The following TBL1X variants were observed in gnomAD, a reference collection of about 807,000 sequenced individuals.
TBL1X encodes the protein transducin beta like 1 X-linked, also known as F-box-like/WD repeat-containing protein TBL1X.
In TBL1X, 10 loss-of-function variants were observed where a neutral mutation model predicts 50.7. That is an observed-to-expected ratio of 0.20 (90% CI 0.12 to 0.33). TBL1X has a LOEUF of 0.33. TBL1X is among the 10% of genes least tolerant of loss of function. TBL1X has a pLI of 1.00. For synonymous variants in TBL1X, 190 were observed against 214.7 expected (o/e 0.88, Z 1.01); for missense variants, 340 against 504.4 (o/e 0.67, Z 3.12).
chrX:9,666,398 G>A (rs1275818268), intron 5 of TBL1X, among the ~76,000 whole-genome samples: 2 of 111,151 alleles, frequency 1.8e-5, no homozygotes, highest in Non-Finnish European at 3.8e-5. Context: ...ACATGTTAAT[G>A]TTCCTATTAG....
intron 1 of TBL1X, among the ~76,000 whole-genome samples, chrX:9,481,826 G>A (rs1195513864): frequency 8.9e-6 from 1 of 112,421 alleles, no homozygotes; most frequent in African/African-American, 3.2e-5. Flanking sequence ...GAAGTCTAAT[G>A]TGAGATTTCT....
intron 1 of TBL1X, among the ~76,000 whole-genome samples, chrX:9,469,126 C>G (rs7878827): frequency 0.29 from 32,499 of 110,843 alleles, 3,844 homozygotes; most frequent in South Asian, 0.37. Context: ...AGTCGACCGA[C>G]ATAGAATTAT....
chrX:9,578,539 A>G, intron 2 of TBL1X, among the ~76,000 whole-genome samples: 2 of 111,798 alleles, frequency 1.8e-5, no homozygotes, highest in Middle Eastern at 9.2e-3. Flanking sequence ...GAGCACGAGG[A>G]GACGGGACAG....
At chrX:9,659,861 TC>T (rs1456394339) in intron 5 of TBL1X, among the ~76,000 whole-genome samples, 5 of 112,391 alleles carry the variant, frequency 4.4e-5, no homozygotes, top group Non-Finnish European at 9.4e-5. Flanking sequence ...GTGTGATTCT[TC>T]CTTTGAGGAT....
chrX:9,650,354 T>A (rs1201977245), intron 3 of TBL1X, among the ~76,000 whole-genome samples: 1 of 111,243 alleles, frequency 9.0e-6, no homozygotes, highest in African/African-American at 3.3e-5. Context: ...CTTTTTTTTT[T>A]CCCCCAGAGT....
intron 2 of TBL1X, among the ~76,000 whole-genome samples, chrX:9,595,913 C>G (rs2082524383): frequency 8.9e-6 from 1 of 111,980 alleles, no homozygotes; most frequent in Non-Finnish European, 1.9e-5. Context: ...GAGATATCTT[C>G]CAGAAGTCTT....
intron 5 of TBL1X, among the ~76,000 whole-genome samples, chrX:9,657,302 A>G (rs1471774412): frequency 2.7e-5 from 3 of 112,242 alleles, no homozygotes; most frequent in Non-Finnish European, 5.6e-5. Context: ...GTGACGGACA[A>G]GTTTTCCAGA....
At chrX:9,472,016 T>C (rs2081818197) in intron 1 of TBL1X, among the ~76,000 whole-genome samples, 1 of 110,978 alleles carries the variant, frequency 9.0e-6, no homozygotes, top group Non-Finnish European at 1.9e-5. Context: ...CGCTGAAACC[T>C]TCCTTCGGGT....
At chrX:9,656,920 C>T (rs1390597627) in intron 5 of TBL1X, among the ~76,000 whole-genome samples, 1 of 112,162 alleles carries the variant, frequency 8.9e-6, no homozygotes, top group Admixed American at 9.4e-5. Context: ...TCGCTGTCTC[C>T]CTTCTACCTT....
In TBL1X at chrX:9,594,785, T is replaced by C. The variant is rs185214787; in HGVS notation, c.-130-45488T>C. Reference sequence around the variant, plus strand: ...TGGTTTTCATTTCCCCTCATCCTGATTTAGAAGAGGAGAGAAAACTCTCCT... The same window carrying C: ...TGGTTTTCATTTCCCCTCATCCTGACTTAGAAGAGGAGAGAAAACTCTCCT... On this transcript the variant is annotated intron_variant, in intron 2 of 17. Coordinates refer to ENST00000645353, the MANE Select transcript of TBL1X (RefSeq NM_005647.4). Among the ~76,000 whole-genome samples the C allele has an allele frequency of 3.6e-5, 4 of 111,986 alleles. No homozygotes were observed. In the Admixed American group the frequency reaches 3.8e-4, roughly 11 times the overall value.
At chrX:9,714,845 C>G in intron 16 of TBL1X, 57 bp from the exon 17 acceptor site, 1 of 1,096,520 alleles carries the variant, frequency 9.1e-7, no homozygotes, top group Admixed American at 2.4e-5. Flanking sequence ...ACATTCCACA[C>G]CTGCATCTGT....
At chrX:9,620,973 G>A (rs904259255) in intron 2 of TBL1X, among the ~76,000 whole-genome samples, 1 of 112,058 alleles carries the variant, frequency 8.9e-6, no homozygotes, top group African/African-American at 3.3e-5. Context: ...GTCAGCGGAC[G>A]TGCATGTGTC....
intron 2 of TBL1X, among the ~76,000 whole-genome samples, chrX:9,608,174 G>A (rs148484103): frequency 8.8e-4 from 97 of 110,636 alleles, no homozygotes; most frequent in African/African-American, 3.0e-3. Context: ...TTTGAGGAAC[G>A]AGACCCCAGA....
At chrX:9,702,463 G>C (rs2083180010) in intron 12 of TBL1X, among the ~76,000 whole-genome samples, 1 of 104,120 alleles carries the variant, frequency 9.6e-6, no homozygotes, top group Admixed American at 1.0e-4. Flanking sequence ...AAAAAAAACT[G>C]GGCATGGTGG....
intron 2 of TBL1X, among the ~76,000 whole-genome samples, chrX:9,506,469 T>C (rs2082026331): frequency 9.0e-6 from 1 of 111,286 alleles, no homozygotes; most frequent in African/African-American, 3.3e-5. Context: ...TCGAAGGCGA[T>C]AGAGACGCAA....
intron 2 of TBL1X, among the ~76,000 whole-genome samples, chrX:9,609,305 C>A (rs2082600064): frequency 9.3e-6 from 1 of 107,599 alleles, no homozygotes; most frequent in African/African-American, 3.4e-5. Context: ...AGAAGTTTTG[C>A]CCCAGCATTT....
intron 1 of TBL1X, among the ~76,000 whole-genome samples, chrX:9,473,722 C>A (rs2081832034): frequency 1.8e-5 from 2 of 112,134 alleles, no homozygotes; most frequent in Non-Finnish European, 3.8e-5. Context: ...GAAGAAAATA[C>A]CAGATTCAGC....
At chrX:9,622,920 G>T (rs746424430) in intron 2 of TBL1X, among the ~76,000 whole-genome samples, 4 of 112,270 alleles carry the variant, frequency 3.6e-5, no homozygotes, top group Non-Finnish European at 7.5e-5. Context: ...TTTGGCTATT[G>T]TGAATGATGC....
intron 3 of TBL1X, among the ~76,000 whole-genome samples, chrX:9,651,296 C>T (rs986467245): frequency 4.5e-5 from 5 of 111,974 alleles, no homozygotes; most frequent in African/African-American, 6.5e-5. Flanking sequence ...CCGCCTGCCT[C>T]GGCCTCCCAA....
Sources: allele counts gnomAD v4.1 joint callset (sites outside exome capture counted in the v4.1 genomes callset), GRCh38; gene constraint gnomAD v4.1.1; transcripts MANE v1.5; gene names NCBI Gene and HGNC (gene_info 2026-07-23, HGNC 2026-07-21).